The following KANK3 variants were observed in gnomAD, a reference collection of about 807,000 sequenced individuals.
KANK3 encodes KN motif and ankyrin repeat domains 3.
Under a neutral mutation model 65.4 loss-of-function variants are expected in KANK3, and 61 were observed. The observed-to-expected ratio is 0.93, with a 90% CI of 0.76 to 1.15. The LOEUF is 1.15. Among genes scored for constraint, KANK3 ranks in the 50% most tolerant of loss-of-function variants. KANK3 has a pLI of 0.00. For synonymous variants in KANK3, 586 were observed against 543.3 expected, an observed-to-expected ratio of 1.08 and a Z score of -1.09; for missense variants, 1,187 against 1,178.8, an observed-to-expected ratio of 1.01 and a Z score of -0.10.
At chr19:8,336,426 A>G (rs1970638697) in intron 2 of KANK3, among the ~76,000 whole-genome samples, 1 of 97,062 alleles carries the variant, frequency 1.0e-5, no homozygotes, top group Admixed American at 1.0e-4. Flanking sequence ...GACAGAAGAG[A>G]ACCTCTCAAA....
At chr19:8,339,963 C>CAAAAAAAAAAAAAAAAAAAAAA (rs59020478) in intron 1 of KANK3, among the ~76,000 whole-genome samples, 2 of 95,786 alleles carry the variant, frequency 2.1e-5, no homozygotes, top group Admixed American at 1.1e-4. Context: ...GACCTTGTCT[C>CAAAAAAAAAAAAAAAAAAAAAA]AAAAAAAAAA....
chr19:8,325,009 T>C lies in KANK3; in HGVS notation c.2024A>G (p.Asp675Gly), dbSNP rs763919292. Residue 675 changes from aspartate to glycine, a missense_variant, in exon 8 of 11, where the codon GAC becomes GGC. By Grantham distance (94) the Asp-to-Gly change is moderately conservative (BLOSUM62 -1). This residue lies in a region of KANK3 where 1,078 missense variants were observed against 1,038.2 expected (regional missense o/e 1.04). Coordinates refer to ENST00000330915, the MANE Select transcript of KANK3 (RefSeq NM_198471.3). ...GAAGAGTCTCTGGACCACAGCCATGTCCTCCTCTTCCTGCCTCACAGAGGT... is the reference window on the plus strand; with the variant it reads ...GAAGAGTCTCTGGACCACAGCCATGCCCTCCTCTTCCTGCCTCACAGAGGT... ...ALTSVRQEEE[D>G]MAVVQRLFCM... 5.6e-6 allele frequency: 7 copies of C among 1,246,212 alleles called. No individual in the cohort carries two copies. Among genetic ancestry groups the C allele is most frequent in the Non-Finnish European group, 2.2e-6 (2 of 919,512 alleles). The allele number at this position is 1,246,212 out of a possible 1,614,324, so 77.2% of individuals were successfully genotyped here. A position where few individuals can be genotyped will look rare whatever the true frequency, so the allele number is the denominator to read the frequency against.
chr19:8,337,230 G>A (rs1017990973), intron 2 of KANK3, among the ~76,000 whole-genome samples: 1 of 119,930 alleles, frequency 8.3e-6, no homozygotes, highest in African/African-American at 3.4e-5. Context: ...TTGAGACGCA[G>A]TCTCGCTCTG....
rs766599918 is a variant in KANK3 at position 8,324,649 on chromosome 19, T to C, written c.2264A>G (p.Asp755Gly). ...TCTTACATTGTCCAGGATGGCAGGG[T>C]CACAGCCTGGCTGGGTGAGCAGCAG... ...VRLLLTQPGCDPAILDNEGTS... is the reference protein window; with the variant it reads ...VRLLLTQPGCGPAILDNEGTS... The change falls in exon 9 of 11, where the codon GAC (aspartate) becomes GGC (glycine). Residue 755 changes from aspartate to glycine, a missense_variant. Coordinates refer to ENST00000330915, the MANE Select transcript of KANK3 (RefSeq NM_198471.3). The C allele has an allele frequency of 1.2e-6, 2 of 1,613,948 alleles. No individual in the cohort carries two copies. Among genetic ancestry groups the C allele is most frequent in the Non-Finnish European group, 1.7e-6 (2 of 1,179,980 alleles).
rs1042307867 is a variant in KANK3, at chr19:8,335,486, A to C, written c.341T>G (p.Leu114Arg). The part of the protein sequence containing the change: ...GILSQGAPSG[L>R]LMQPLSPRAP... ...GCGCGGCGACAGCGGCTGCATCAGG[A>C]GCCCCGAGGGCGCGCCCTGGGAGAG... Residue 114 changes from leucine to arginine, a missense_variant, in exon 3 of 11, where the codon CTC (leucine) becomes CGC (arginine). Leu to Arg is a moderately radical substitution (Grantham distance 102). This residue lies in a region of KANK3 where 1,078 missense variants were observed against 1,038.2 expected (regional missense o/e 1.04). Transcript: ENST00000330915. The C allele has an allele frequency of 2.0e-5, 25 of 1,238,396 alleles. No homozygotes were observed. Among genetic ancestry groups the C allele is most frequent in the Non-Finnish European group, 2.1e-5 (21 of 986,824 alleles). 76.7% of individuals were successfully genotyped at this position (1,238,396 alleles called of 1,614,324 possible).
Position 8,335,618 on chromosome 19 carries a change from G to A in KANK3, c.209C>T (p.Ser70Leu). The A allele has an allele frequency of 8.1e-7, 1 of 1,240,014 alleles. No individual in the cohort carries two copies. The highest frequency in any genetic ancestry group is 1.0e-6 in the Non-Finnish European group (1 of 988,874). The allele number at this position is 1,240,014 out of a possible 1,614,324, so 76.8% of individuals were successfully genotyped here. A position where few individuals can be genotyped will look rare whatever the true frequency, so the allele number is the denominator to read the frequency against. ...AARRAPGPPT[S>L]RRPRAPRPGL... Reference sequence around the variant, plus strand: ...GGGCCGGGGCGCGCGGGGACGGCGCGAGGTCGGGGGTCCCGGGGCGCGGCG... The same window carrying A: ...GGGCCGGGGCGCGCGGGGACGGCGCAAGGTCGGGGGTCCCGGGGCGCGGCG... Residue 70 changes from serine to leucine, a missense_variant, in exon 3 of 11, where the codon TCG becomes TTG. Ser to Leu is a moderately radical substitution (Grantham distance 145). Coordinates refer to ENST00000330915, the MANE Select transcript of KANK3 (RefSeq NM_198471.3).
chr19:8,322,936 A>C lies in KANK3; in HGVS notation c.2383-14T>G. 2 of 1,415,772 alleles carry C rather than the reference A, an allele frequency of 1.4e-6. No homozygotes were observed. Among genetic ancestry groups the C allele is most frequent in the Non-Finnish European group, 1.9e-6 (2 of 1,051,858 alleles). 87.7% of individuals were successfully genotyped at this position (1,415,772 alleles called of 1,614,324 possible). ...GGGTGACTCGCTCTGGAGAGAGGGG[A>C]AAAGAGGGGGGCCTGCTGCAATCTC... On this transcript the variant is annotated splice_polypyrimidine_tract_variant and intron_variant, in intron 10 of 10. Coordinates refer to ENST00000330915, the MANE Select transcript of KANK3 (RefSeq NM_198471.3).
intron 7 of KANK3, among the ~76,000 whole-genome samples, chr19:8,327,813 T>C (rs3111570): frequency 0.16 from 24,827 of 152,074 alleles, 2,252 homozygotes; most frequent in Non-Finnish European, 0.21. Context: ...TTGGGTGGCA[T>C]GCTGTGTGGG....
At chr19:8,325,930 G>A (rs562094831) in intron 7 of KANK3, among the ~76,000 whole-genome samples, 23 of 151,570 alleles carry the variant, frequency 1.5e-4, no homozygotes, top group Non-Finnish European at 2.5e-4. Context: ...AGGTTTAAGC[G>A]ATTCTTCTGC....
intron 10 of KANK3, 177 bp from the exon 11 acceptor site, chr19:8,323,099 C>A (rs1160467080): frequency 8.3e-6 from 4 of 480,660 alleles, no homozygotes; most frequent in African/African-American, 8.1e-5. Context: ...CTCCCACATC[C>A]CTTCCAGTGG....
chr19:8,331,124 C>T (rs949568167), intron 7 of KANK3, among the ~76,000 whole-genome samples: 5 of 149,118 alleles, frequency 3.4e-5, no homozygotes, highest in African/African-American at 7.4e-5. Flanking sequence ...ACCCGGGAGG[C>T]GTAGGTTGCA....
rs368946416 is a variant in KANK3 at position 8,337,776 on chromosome 19, T to C, written c.34+19A>G. 10 of 1,612,158 alleles carry C rather than the reference T, an allele frequency of 6.2e-6. No homozygotes were observed. In the African/African-American group the frequency reaches 1.2e-4, roughly 19 times the overall value. On this transcript the variant is annotated intron_variant, in intron 2 of 10. Transcript: ENST00000330915. ...GTGCATGCGCACACACACACACATC[T>C]CTCTTTTTGCACACTCACCGGGCAG...
At chr19:8,327,475 CA>C (rs1444303539) in intron 7 of KANK3, among the ~76,000 whole-genome samples, 1 of 151,966 alleles carries the variant, frequency 6.6e-6, no homozygotes, top group African/African-American at 2.4e-5. Flanking sequence ...ACCAAAAATA[CA>C]AAAAATTAGC....
chr19:8,327,556 G>C (rs1380280539), intron 7 of KANK3, among the ~76,000 whole-genome samples: 1 of 152,044 alleles, frequency 6.6e-6, no homozygotes, highest in African/African-American at 2.4e-5. Flanking sequence ...ACTTGAACAT[G>C]GGAGACAGAG....
intron 7 of KANK3, among the ~76,000 whole-genome samples, chr19:8,330,159 G>T (rs72994717): frequency 6.6e-6 from 1 of 152,036 alleles, no homozygotes; most frequent in Non-Finnish European, 1.5e-5. Context: ...GCACACCCAC[G>T]TACCTCCAGA....
intron 7 of KANK3, among the ~76,000 whole-genome samples, chr19:8,330,370 G>A (rs772639925): frequency 2.6e-4 from 39 of 152,160 alleles, no homozygotes; most frequent in Non-Finnish European, 4.7e-4. Flanking sequence ...CTAGGCAGGA[G>A]GATCACTTGA....
At chr19:8,331,593 T>C (rs1018414328) in intron 7 of KANK3, among the ~76,000 whole-genome samples, 1 of 152,098 alleles carries the variant, frequency 6.6e-6, no homozygotes, top group Non-Finnish European at 1.5e-5. Context: ...CAGCGATTTG[T>C]TTACCACCCA....
At chr19:8,337,741 G>A in intron 2 of KANK3, 54 bp downstream of exon 2, 7 of 1,593,940 alleles carry the variant, frequency 4.4e-6, no homozygotes, top group Non-Finnish European at 6.0e-6. Context: ...AGGGCATCAA[G>A]CGTTTCTCTG....
chr19:8,332,969 C>A, intron 7 of KANK3, 45 bp downstream of exon 7: 1 of 1,282,924 alleles, frequency 7.8e-7, no homozygotes. Context: ...GCCCTCTCCC[C>A]CCACCCATTT....
Sources: allele counts gnomAD v4.1 joint callset (sites outside exome capture counted in the v4.1 genomes callset), GRCh38; gene constraint gnomAD v4.1.1; regional missense constraint gnomAD v4.1.1; transcripts MANE v1.5; gene names NCBI Gene and HGNC (gene_info 2026-07-23, HGNC 2026-07-21).